The following PTPRD variants were observed in gnomAD, a reference collection of about 807,000 sequenced individuals.
PTPRD encodes receptor-type tyrosine-protein phosphatase delta.
In PTPRD, 34 loss-of-function variants were observed where a neutral mutation model predicts 214.5. The ratio of observed to expected loss-of-function variants is 0.16; its 90% CI spans 0.12 to 0.21. The LOEUF is 0.21. Among genes scored for constraint, PTPRD ranks in the 10% least tolerant of loss-of-function variants. PTPRD has a pLI of 1.00. For missense variants in PTPRD, 2,545 were observed against 2,398.7 expected, an observed-to-expected ratio of 1.06 and a Z score of -1.27; for synonymous variants, 1,128 against 845.7, an observed-to-expected ratio of 1.33 and a Z score of -5.79.
At chr9:8,933,574 G>C (rs1221948241) in intron 11 of PTPRD, among the ~76,000 whole-genome samples, 1 of 151,912 alleles carries the variant, frequency 6.6e-6, no homozygotes, top group Non-Finnish European at 1.5e-5. Context: ...TTCATTCAGT[G>C]AGCTAATGGA....
chr9:9,402,742 A>AT (rs58917118), intron 8 of PTPRD, among the ~76,000 whole-genome samples: 133,059 of 151,538 alleles, frequency 0.88, 58,580 homozygotes, highest in African/African-American at 0.92. Context: ...TATCAAAAAA[A>AT]AAGACAATTT....
In PTPRD at chr9:10,085,643, T is replaced by C. The variant is rs147908768; in HGVS notation, c.-544-51853A>G. Among the ~76,000 whole-genome samples the C allele has an allele frequency of 4.2e-3, 638 of 151,758 alleles. 5 individuals are homozygous for C. Among genetic ancestry groups the C allele is most frequent in the African/African-American group, 0.014 (588 of 41,432 alleles). ...GAGACTCAGGAAGAATACTGGCGCCTGCCTGTGCATGCCTCCCATCACCAT... is the reference window on the plus strand; with the variant it reads ...GAGACTCAGGAAGAATACTGGCGCCCGCCTGTGCATGCCTCCCATCACCAT... On this transcript the variant is annotated intron_variant, in intron 3 of 45. Transcript: ENST00000381196.
intron 10 of PTPRD, among the ~76,000 whole-genome samples, chr9:9,051,793 G>A (rs1363796994): frequency 1.3e-5 from 2 of 152,126 alleles, no homozygotes; most frequent in Non-Finnish European, 2.9e-5. Flanking sequence ...GACTGACTAA[G>A]GTGCTTATAC....
At chr9:8,991,541 A>G (rs2099366786) in intron 11 of PTPRD, among the ~76,000 whole-genome samples, 1 of 152,124 alleles carries the variant, frequency 6.6e-6, no homozygotes, top group African/African-American at 2.4e-5. Flanking sequence ...GGACTTGTGT[A>G]TCTACATATT....
intron 3 of PTPRD, among the ~76,000 whole-genome samples, chr9:10,217,581 A>G (rs531679757): frequency 6.6e-6 from 1 of 152,104 alleles, no homozygotes; most frequent in Admixed American, 6.6e-5. Context: ...CACCACCAGT[A>G]TATCTCAGTT....
At chr9:10,018,085 C>G (rs1339201884) in intron 4 of PTPRD, among the ~76,000 whole-genome samples, 1 of 151,424 alleles carries the variant, frequency 6.6e-6, no homozygotes, top group African/African-American at 2.4e-5. Flanking sequence ...AATTTCATTA[C>G]TAGATTATTA....
chr9:9,108,733 A>G (rs1026724770), intron 10 of PTPRD, among the ~76,000 whole-genome samples: 1 of 152,160 alleles, frequency 6.6e-6, no homozygotes, highest in Non-Finnish European at 1.5e-5. Context: ...GCCTAACTGC[A>G]AGGGGACTAT....
intron 3 of PTPRD, among the ~76,000 whole-genome samples, chr9:10,121,314 G>A (rs554753638): frequency 1.3e-5 from 2 of 152,136 alleles, no homozygotes; most frequent in African/African-American, 2.4e-5. Context: ...AAGTTTTTTA[G>A]AGTTGGCTTT....
chr9:8,666,819 T>C (rs2097179410), intron 12 of PTPRD, among the ~76,000 whole-genome samples: 1 of 152,140 alleles, frequency 6.6e-6, no homozygotes, highest in African/African-American at 2.4e-5. Flanking sequence ...ACCACCTGGA[T>C]TCAACAATAC....
intron 5 of PTPRD, among the ~76,000 whole-genome samples, chr9:9,864,902 A>C (rs1379010078): frequency 6.6e-6 from 1 of 152,198 alleles, no homozygotes; most frequent in Non-Finnish European, 1.5e-5. Context: ...TTCATCTTTA[A>C]AAATTATATT....
chr9:10,448,840 T>G (rs1218995313), intron 2 of PTPRD, among the ~76,000 whole-genome samples: 1 of 151,918 alleles, frequency 6.6e-6, no homozygotes, highest in Non-Finnish European at 1.5e-5. Flanking sequence ...TCTCTCCAAA[T>G]AGAGAAGGGA....
intron 12 of PTPRD, among the ~76,000 whole-genome samples, chr9:8,669,594 G>C (rs1292200108): frequency 6.6e-6 from 1 of 152,106 alleles, no homozygotes; most frequent in Non-Finnish European, 1.5e-5. Flanking sequence ...GTCACCTCAA[G>C]GAGAAGTCGT....
intron 11 of PTPRD, among the ~76,000 whole-genome samples, chr9:8,988,949 G>A (rs1378643939): frequency 1.3e-5 from 2 of 152,034 alleles, no homozygotes; most frequent in Non-Finnish European, 2.9e-5. Context: ...GGGAAAGCTA[G>A]ATTCAGTTTA....
At chr9:8,901,682 T>C (rs1433540) in intron 11 of PTPRD, among the ~76,000 whole-genome samples, 1 of 152,170 alleles carries the variant, frequency 6.6e-6, no homozygotes, top group African/African-American at 2.4e-5. Context: ...TAATTAGCCA[T>C]GCTAGTGTAT....
intron 14 of PTPRD, among the ~76,000 whole-genome samples, chr9:8,569,966 G>A (rs139335039): frequency 3.9e-5 from 6 of 152,152 alleles, no homozygotes; most frequent in Admixed American, 2.6e-4. Context: ...TACATAATGC[G>A]GTGAACTGTT....
chr9:8,705,582 T>A (rs372813601), intron 12 of PTPRD, among the ~76,000 whole-genome samples: 116 of 152,308 alleles, frequency 7.6e-4, no homozygotes, highest in African/African-American at 2.7e-3. Context: ...TTAAAATTCA[T>A]AAGAAGCAAC....
At chr9:8,902,335 C>T (rs1169453389) in intron 11 of PTPRD, among the ~76,000 whole-genome samples, 1 of 136,654 alleles carries the variant, frequency 7.3e-6, no homozygotes, top group Non-Finnish European at 1.6e-5. Flanking sequence ...CTTTTCTTTT[C>T]TTTCTTTTTC....
chr9:10,196,599 A>G (rs2099399251), intron 3 of PTPRD, among the ~76,000 whole-genome samples: 1 of 152,214 alleles, frequency 6.6e-6, no homozygotes, highest in African/African-American at 2.4e-5. Flanking sequence ...AAATTGTACT[A>G]TATTTAAAGG....
intron 11 of PTPRD, among the ~76,000 whole-genome samples, chr9:8,916,159 A>T (rs1052684732): frequency 6.6e-6 from 1 of 152,122 alleles, no homozygotes; most frequent in Non-Finnish European, 1.5e-5. Flanking sequence ...ACAGTCTGGG[A>T]CTCAGAAGAG....
Sources: allele counts gnomAD v4.1 joint callset (sites outside exome capture counted in the v4.1 genomes callset), GRCh38; gene constraint gnomAD v4.1.1; transcripts MANE v1.5; gene names NCBI Gene and HGNC (gene_info 2026-07-23, HGNC 2026-07-21).